The following CDH18 variants were observed in gnomAD, a reference collection of about 807,000 sequenced individuals.
CDH18 encodes cadherin-18.
A neutral mutation model predicts 67.9 loss-of-function variants in CDH18; 31 were observed. The ratio of observed to expected loss-of-function variants is 0.46; its 90% CI spans 0.34 to 0.62. The LOEUF (loss-of-function observed/expected upper bound fraction) is 0.62, where lower values mean the gene tolerates loss of function less well. CDH18 is among the 20% of genes least tolerant of loss of function. The pLI, the probability that CDH18 is intolerant of heterozygous loss-of-function variation, is 0.01. For missense variants in CDH18, 890 were observed against 975.5 expected (o/e 0.91, Z 1.17); for synonymous variants, 362 against 347.2 (o/e 1.04, Z -0.48).
chr5:19,746,406 G>A lies in CDH18; in HGVS notation c.523+536C>T, dbSNP rs116578889. On this transcript the variant is annotated intron_variant, in intron 4 of 12. Transcript: ENST00000382275. Reference sequence around the variant, plus strand: ...AAAAATGATATTCAAAATACTTCACGGGGCTGTCATATATTTTTAAATAAA... The same window carrying A: ...AAAAATGATATTCAAAATACTTCACAGGGCTGTCATATATTTTTAAATAAA... 4.1e-3 allele frequency among the ~76,000 whole-genome samples: 617 copies of A among 152,236 alleles called. 3 individuals are homozygous for A. Among genetic ancestry groups the A allele is most frequent in the African/African-American group, 0.014 (578 of 41,534 alleles).
At chr5:19,914,324 G>C (rs1214281884) in intron 2 of CDH18, among the ~76,000 whole-genome samples, 1 of 151,944 alleles carries the variant, frequency 6.6e-6, no homozygotes, top group Non-Finnish European at 1.5e-5. Flanking sequence ...ACTGTATAAA[G>C]TTATATACTC....
chr5:19,673,397 A>T (rs1023057973), intron 5 of CDH18, among the ~76,000 whole-genome samples: 4 of 152,058 alleles, frequency 2.6e-5, no homozygotes, highest in African/African-American at 9.7e-5. Context: ...ATAGTTTGGA[A>T]ATGTTATAGT....
intron 2 of CDH18, among the ~76,000 whole-genome samples, chr5:20,115,283 T>G (rs972519880): frequency 7.9e-6 from 1 of 126,722 alleles, no homozygotes; most frequent in Non-Finnish European, 1.7e-5. Context: ...TTTTTTTTTT[T>G]TTTTTTTTTT....
rs1190520835 is a variant in CDH18 at position 20,034,515 on chromosome 5, T to G, written c.-517-42501A>C. Among the ~76,000 whole-genome samples the G allele has an allele frequency of 5.9e-5, 9 of 152,078 alleles. 1 individual carries two copies. In the South Asian group the frequency reaches 1.2e-3, roughly 21 times the overall value. Reference sequence around the variant, plus strand: ...GAATATTTATGGCTGAGATTAACATTTGAATCAGTGGACTGTGTAAAGCAG... The same window carrying G: ...GAATATTTATGGCTGAGATTAACATGTGAATCAGTGGACTGTGTAAAGCAG... On this transcript the variant is annotated intron_variant, in intron 2 of 14. Coordinates refer to the CDH18 transcript ENST00000507958.
chr5:20,549,384 T>G (rs1186992489), intron 1 of CDH18, among the ~76,000 whole-genome samples: 1 of 152,154 alleles, frequency 6.6e-6, no homozygotes, highest in Non-Finnish European at 1.5e-5. Flanking sequence ...CTTCTAATTT[T>G]TGTTTATTTT....
At chr5:20,474,180 G>A (rs150607215) in intron 1 of CDH18, among the ~76,000 whole-genome samples, 6,323 of 152,128 alleles carry the variant, frequency 0.042, 432 homozygotes, top group African/African-American at 0.15. Context: ...GGAGGCTGAG[G>A]CAGGAGAGTG....
chr5:20,117,728 C>T (rs189784053), intron 2 of CDH18, among the ~76,000 whole-genome samples: 84 of 152,276 alleles, frequency 5.5e-4, no homozygotes, highest in Middle Eastern at 3.4e-3. Flanking sequence ...ACATTACTAA[C>T]TTCTCTTGAT....
intron 3 of CDH18, among the ~76,000 whole-genome samples, chr5:19,750,753 C>G (rs965443145): frequency 1.2e-4 from 8 of 64,374 alleles, no homozygotes; most frequent in Non-Finnish European, 1.7e-4. Flanking sequence ...TAGTCATATA[C>G]AGTGAAGCCC....
intron 10 of CDH18, among the ~76,000 whole-genome samples, chr5:19,516,684 C>T (rs887039744): frequency 2.6e-5 from 4 of 152,088 alleles, no homozygotes; most frequent in South Asian, 4.2e-4. Flanking sequence ...TCTGTGGGAT[C>T]GGTAGTGATA....
intron 1 of CDH18, among the ~76,000 whole-genome samples, chr5:20,453,919 A>C (rs12651811): frequency 6.6e-6 from 1 of 151,960 alleles, no homozygotes; most frequent in Non-Finnish European, 1.5e-5. Flanking sequence ...GAAAATATCC[A>C]ATAACAGTTG....
chr5:19,887,108 T>TC (rs1157988632), intron 2 of CDH18, among the ~76,000 whole-genome samples: 1 of 151,820 alleles, frequency 6.6e-6, no homozygotes, highest in Non-Finnish European at 1.5e-5. Context: ...ATGTGATACA[T>TC]ACACAGAGCT....
chr5:19,876,201 G>A (rs1332296783), intron 2 of CDH18, among the ~76,000 whole-genome samples: 2 of 152,082 alleles, frequency 1.3e-5, no homozygotes, highest in Admixed American at 6.6e-5. Context: ...ACCCATTTGT[G>A]AAGAAATCTT....
intron 2 of CDH18, among the ~76,000 whole-genome samples, chr5:20,035,688 G>A (rs934360724): frequency 5.3e-5 from 8 of 151,958 alleles, no homozygotes; most frequent in Non-Finnish European, 2.9e-5. Context: ...GATACATGGG[G>A]ATCATGTGGA....
intron 2 of CDH18, among the ~76,000 whole-genome samples, chr5:20,021,162 T>C (rs1437446694): frequency 6.6e-6 from 1 of 152,118 alleles, no homozygotes; most frequent in African/African-American, 2.4e-5. Context: ...CTCTCCCTTT[T>C]GGAACAGTTG....
At chr5:20,117,581 G>T (rs1341491294) in intron 2 of CDH18, among the ~76,000 whole-genome samples, 2 of 152,038 alleles carry the variant, frequency 1.3e-5, no homozygotes, top group Admixed American at 6.6e-5. Context: ...TCACCTTTGG[G>T]TTATAAACAA....
rs1236005238 is a variant in CDH18, at chr5:20,284,495, C to G, written c.-579-28990G>C. ...TAATCTACATGCCTACCATAATCCA[C>G]TTGTGAGTTATTTTTTCCCACCGTT... On this transcript the variant is annotated intron_variant, in intron 1 of 14. Transcript: ENST00000507958. Among the ~76,000 whole-genome samples, 6 of 151,946 alleles carry G rather than the reference C, an allele frequency of 3.9e-5. No homozygotes were observed. In the East Asian group the frequency reaches 9.6e-4, roughly 24 times the overall value.
At chr5:20,339,558 A>G (rs1265084285) in intron 1 of CDH18, among the ~76,000 whole-genome samples, 2 of 152,006 alleles carry the variant, frequency 1.3e-5, no homozygotes, top group Non-Finnish European at 2.9e-5. Flanking sequence ...TACCTTCTCT[A>G]TAGGTTCCCC....
Position 20,419,462 on chromosome 5 carries a change from GTTTTTTTTTTTTTTTTTTT to G in CDH18, c.-580+155981_-580+155999del, listed in dbSNP as rs202130030. On this transcript the variant is annotated intron_variant, in intron 1 of 14. Transcript: ENST00000507958. ...CCAACCACCCAGGGTATGGGACTCTGTTTTTTTTTTTTTTTTTTTTTTTTTTTTTTTGAGATGGAGTCTC... is the reference window on the plus strand; with the variant it reads ...CCAACCACCCAGGGTATGGGACTCTGTTTTTTTTTTTTGAGATGGAGTCTC... Among the ~76,000 whole-genome samples the G allele has an allele frequency of 2.0e-4, 15 of 75,656 alleles. No homozygotes were observed. The South Asian group carries it at 2.4e-3, about 12-fold the overall frequency. 49.6% of individuals were successfully genotyped at this position (75,656 alleles called of 152,430 possible).
chr5:20,451,116 C>T (rs768764915), intron 1 of CDH18, among the ~76,000 whole-genome samples: 2 of 152,102 alleles, frequency 1.3e-5, no homozygotes, highest in Non-Finnish European at 2.9e-5. Flanking sequence ...CAAACCACAT[C>T]GTTCATTATT....
Sources: allele counts gnomAD v4.1 joint callset (sites outside exome capture counted in the v4.1 genomes callset), GRCh38; gene constraint gnomAD v4.1.1; transcripts MANE v1.5; gene names NCBI Gene and HGNC (gene_info 2026-07-23, HGNC 2026-07-21).